Variants in FBXW11 observed in about 807,000 individuals in gnomAD.
FBXW11 encodes F-box and WD repeat domain containing 11, also known as F-box/WD repeat-containing protein 11.
Under a neutral mutation model 77.6 loss-of-function variants are expected in FBXW11, and 19 were observed. That is an observed-to-expected ratio of 0.24 (90% CI 0.17 to 0.36). The LOEUF is 0.36. Ranked by LOEUF, FBXW11 falls within the 10% of genes least tolerant of loss-of-function variation. The pLI is 1.00. For missense variants in FBXW11, 334 were observed against 704.2 expected (o/e 0.47, Z 5.95); for synonymous variants, 235 against 249.4 (o/e 0.94, Z 0.54).
chr5:171,877,737 T>A (rs962775881), intron 8 of FBXW11, among the ~76,000 whole-genome samples: 2 of 152,106 alleles, frequency 1.3e-5, no homozygotes, highest in African/African-American at 4.8e-5. Context: ...CTGGACCACA[T>A]AACCAAAAGA....
intron 1 of FBXW11, among the ~76,000 whole-genome samples, chr5:171,998,384 A>C (rs1766195620): frequency 7.2e-6 from 1 of 138,560 alleles, no homozygotes; most frequent in Non-Finnish European, 1.5e-5. Flanking sequence ...CATGTTGCCC[A>C]GGCTGGCCTC....
intron 1 of FBXW11, among the ~76,000 whole-genome samples, chr5:171,963,193 ACACAC>A (rs1185561165): frequency 1.4e-4 from 2 of 14,086 alleles, no homozygotes; most frequent in Non-Finnish European, 3.9e-3. Context: ...ACATACACAC[ACACAC>A]ACACACACAT....
chr5:171,965,093 C>A (rs1440046529), intron 1 of FBXW11, among the ~76,000 whole-genome samples: 1 of 152,134 alleles, frequency 6.6e-6, no homozygotes, highest in African/African-American at 2.4e-5. Context: ...TTACTATCTG[C>A]CAAGTTTTTA....
intron 1 of FBXW11, among the ~76,000 whole-genome samples, chr5:171,990,183 T>C (rs1228620049): frequency 6.6e-6 from 1 of 152,002 alleles, no homozygotes; most frequent in Non-Finnish European, 1.5e-5. Flanking sequence ...AGCAGAGAAA[T>C]GACTCAAATA....
chr5:171,997,681 G>A (rs1265860780), intron 1 of FBXW11, among the ~76,000 whole-genome samples: 1 of 152,088 alleles, frequency 6.6e-6, no homozygotes, highest in Admixed American at 6.6e-5. Context: ...AAATCATAAA[G>A]AACGCTAATA....
chr5:171,904,539 G>A lies in FBXW11; in HGVS notation c.437-4439C>T, dbSNP rs1274351840. 3.3e-5 allele frequency among the ~76,000 whole-genome samples: 5 copies of A among 151,930 alleles called. No homozygotes were observed. Among genetic ancestry groups the A allele is most frequent in the South Asian group, 4.2e-4 (2 of 4,796 alleles). On this transcript the variant is annotated intron_variant, in intron 4 of 13. Coordinates refer to ENST00000517395, the MANE Select transcript of FBXW11 (RefSeq NM_001378974.1). The surrounding 1 kb of genome is among the most constrained non-coding windows in gnomAD (Gnocchi z 4.0). Reference sequence around the variant, plus strand: ...ACCTACAAAATCAGAATCTCTAGACGGTAAGGCCCAGGAATCTGGGTGTGG... The same window carrying A: ...ACCTACAAAATCAGAATCTCTAGACAGTAAGGCCCAGGAATCTGGGTGTGG...
rs1201354170 is a variant in FBXW11, at chr5:171,869,447, A to T, written c.1530+282T>A. 1.3e-5 allele frequency among the ~76,000 whole-genome samples: 2 copies of T among 152,244 alleles called. No individual in the cohort carries two copies. The highest frequency in any genetic ancestry group is 4.8e-5 in the African/African-American group (2 of 41,462). On this transcript the variant is annotated intron_variant, in intron 12 of 13. Transcript: ENST00000517395. This position sits in a 1 kb window ranked among gnomAD's most constrained non-coding sequence, Gnocchi z 4.1. ...TATTAAGAAATCTTCCAAACCTACA[A>T]GAAGGAAATATTGCTTGCCCTATGA...
At chr5:171,926,082 T>C (rs1197038715) in intron 2 of FBXW11, among the ~76,000 whole-genome samples, 1 of 152,244 alleles carries the variant, frequency 6.6e-6, no homozygotes, top group Non-Finnish European at 1.5e-5. Context: ...GATTTTTGCT[T>C]ACTTATCCTA....
At chr5:171,900,649 AAACTTATG>A (rs1760052744) in intron 4 of FBXW11, among the ~76,000 whole-genome samples, 1 of 152,208 alleles carries the variant, frequency 6.6e-6, no homozygotes, top group Admixed American at 6.6e-5. Context: ...TCATCTTGAA[AAACTTATG>A]AAAAGTTAAA....
chr5:171,864,543 T>A (rs1757265886), intron 13 of FBXW11, among the ~76,000 whole-genome samples: 1 of 152,182 alleles, frequency 6.6e-6, no homozygotes, highest in Non-Finnish European at 1.5e-5. Flanking sequence ...CAGTCTCACA[T>A]CCTCACGAGA....
In FBXW11 at chr5:171,878,831, A is replaced by C. The variant is rs543597823; in HGVS notation, c.853-702T>G. 3.3e-5 allele frequency among the ~76,000 whole-genome samples: 5 copies of C among 152,010 alleles called. No individual in the cohort carries two copies. In the South Asian group the frequency reaches 8.3e-4, roughly 25 times the overall value. ...TCTCATAAAAATATTAATGAAAAAG[A>C]ATTGGCTCACTCTCTGGAAAGCAAC... is the stretch of plus-strand genomic sequence containing the variant. On this transcript the variant is annotated intron_variant, in intron 7 of 13. Coordinates refer to ENST00000517395, the MANE Select transcript of FBXW11 (RefSeq NM_001378974.1).
chr5:171,976,990 G>C (rs887809902), intron 1 of FBXW11, among the ~76,000 whole-genome samples: 1 of 150,972 alleles, frequency 6.6e-6, no homozygotes, highest in Non-Finnish European at 1.5e-5. Context: ...AGGTTGAAGA[G>C]AGCCAAAATG....
intron 1 of FBXW11, among the ~76,000 whole-genome samples, chr5:172,001,880 T>C (rs956873900): frequency 2.9e-4 from 44 of 152,214 alleles, no homozygotes; most frequent in African/African-American, 1.1e-3. Context: ...CTTCAATAAA[T>C]GGGCTTAGGT....
chr5:171,971,291 C>T (rs1205718262), intron 1 of FBXW11, among the ~76,000 whole-genome samples: 1 of 152,098 alleles, frequency 6.6e-6, no homozygotes, highest in African/African-American at 2.4e-5. Flanking sequence ...GGACAGAAAA[C>T]AACACTCTGG....
At chr5:171,947,461 G>A (rs1446564572) in intron 2 of FBXW11, among the ~76,000 whole-genome samples, 2 of 151,960 alleles carry the variant, frequency 1.3e-5, no homozygotes, top group African/African-American at 4.8e-5. Flanking sequence ...GATTTTGCAA[G>A]GCCAAAGCGG....
intron 1 of FBXW11, among the ~76,000 whole-genome samples, chr5:171,997,371 T>G (rs942202081): frequency 1.3e-5 from 2 of 152,238 alleles, no homozygotes; most frequent in Non-Finnish European, 2.9e-5. Context: ...CCTAGACCAT[T>G]CAGCTACACT....
chr5:171,995,676 C>A (rs1765998913), intron 1 of FBXW11, among the ~76,000 whole-genome samples: 1 of 152,054 alleles, frequency 6.6e-6, no homozygotes, highest in Admixed American at 6.6e-5. Context: ...ATGGCATGAA[C>A]CAGGGGGCGG....
chr5:171,870,955 C>A, intron 10 of FBXW11, 97 bp from the exon 11 acceptor site: 1 of 783,846 alleles, frequency 1.3e-6, no homozygotes, highest in Non-Finnish European at 2.2e-6. Context: ...TACAATTTTT[C>A]ACTATCTTGG....
At chr5:171,939,668 A>C (rs2113159248) in intron 2 of FBXW11, among the ~76,000 whole-genome samples, 1 of 149,944 alleles carries the variant, frequency 6.7e-6, no homozygotes, top group Non-Finnish European at 1.5e-5. Flanking sequence ...CCGCACTCCA[A>C]CCTGGGCTAC....
Sources: allele counts gnomAD v4.1 joint callset (sites outside exome capture counted in the v4.1 genomes callset), GRCh38; gene constraint gnomAD v4.1.1; non-coding constraint Gnocchi (gnomAD v3.1); transcripts MANE v1.5; gene names NCBI Gene and HGNC (gene_info 2026-07-23, HGNC 2026-07-21).